Variants in CDK14 observed in about 807,000 individuals in gnomAD.
The protein encoded by CDK14 is cyclin dependent kinase 14.
CDK14 carries 34 observed loss-of-function variants against 60.7 expected under a neutral mutation model. That is an observed-to-expected ratio of 0.56 (90% CI 0.43 to 0.75). CDK14 has a LOEUF of 0.75. Ranked by LOEUF, CDK14 falls within the 30% of genes least tolerant of loss-of-function variation. The pLI, the probability that CDK14 is intolerant of heterozygous loss-of-function variation, is 0.00. For missense variants in CDK14, 482 were observed against 564.1 expected (o/e 0.85, Z 1.47); for synonymous variants, 197 against 203.7 (o/e 0.97, Z 0.28).
Position 90,953,693 on chromosome 7 carries a change from G to T in CDK14, c.827-2004G>T, listed in dbSNP as rs1794326697. On this transcript the variant is annotated intron_variant, in intron 8 of 14. Coordinates refer to ENST00000380050, the MANE Select transcript of CDK14 (RefSeq NM_001287135.2). ...TTCATTCTCTCATCCTTCTGGCTTAGCTTTCTGACAACAGGGCCTCAGGAA... is the reference window on the plus strand; with the variant it reads ...TTCATTCTCTCATCCTTCTGGCTTATCTTTCTGACAACAGGGCCTCAGGAA... 2.0e-5 allele frequency among the ~76,000 whole-genome samples: 3 copies of T among 152,068 alleles called. No homozygotes were observed. In the South Asian group the frequency reaches 6.2e-4, roughly 31 times the overall value.
At chr7:90,747,833 TA>T in intron 4 of CDK14, 58 bp downstream of exon 4, 1 of 692,692 alleles carries the variant, frequency 1.4e-6, no homozygotes, top group East Asian at 3.2e-5. Context: ...CTCTTATTAC[TA>T]AATAGCATTT....
intron 2 of CDK14, among the ~76,000 whole-genome samples, chr7:90,639,305 T>G (rs1175337619): frequency 6.6e-6 from 1 of 152,016 alleles, no homozygotes. Context: ...GATGGGTTTT[T>G]GGTGTGGATG....
rs1470097124 is a variant in CDK14, at chr7:90,596,772, C to G, written c.91+54C>G. On this transcript the variant is annotated intron_variant, in intron 1 of 14. Coordinates refer to ENST00000380050, the MANE Select transcript of CDK14 (RefSeq NM_001287135.2). Reference sequence around the variant, plus strand: ...CAGCGCCCGCTCCCCTCGGCCTGCGCCCCCGCCGCGTTCCTGGCACCAGCC... The same window carrying G: ...CAGCGCCCGCTCCCCTCGGCCTGCGGCCCCGCCGCGTTCCTGGCACCAGCC... The G allele has an allele frequency of 3.5e-6, 5 of 1,440,562 alleles. No homozygotes were observed. In the Admixed American group the frequency reaches 9.1e-5, roughly 26 times the overall value. The allele number at this position is 1,440,562 out of a possible 1,614,324, so 89.2% of individuals were successfully genotyped here.
intron 14 of CDK14, among the ~76,000 whole-genome samples, chr7:91,139,259 T>C (rs1800372542): frequency 6.6e-6 from 1 of 152,156 alleles, no homozygotes; most frequent in South Asian, 2.1e-4. Flanking sequence ...TCTAGTAGAC[T>C]GGAGAAAGTA....
rs935061313 is a variant in CDK14 at position 91,071,133 on chromosome 7, T to A, written c.1106-8299T>A. Among the ~76,000 whole-genome samples the A allele has an allele frequency of 5.9e-5, 9 of 152,150 alleles. No homozygotes were observed. In the East Asian group the frequency reaches 1.5e-3, roughly 26 times the overall value. On this transcript the variant is annotated intron_variant, in intron 11 of 14. Transcript: ENST00000380050. ...AAGAAGTAACAATTTGTTAAAAAAA[T>A]AATAATAAGTAGGAGAAAAATGAAG...
At chr7:91,175,809 C>T (rs1430719964) in intron 14 of CDK14, among the ~76,000 whole-genome samples, 5 of 145,762 alleles carry the variant, frequency 3.4e-5, no homozygotes, top group Admixed American at 3.4e-4. Flanking sequence ...ATTCATAAAG[C>T]AAGTCCTGAG....
At chr7:90,767,968 T>C in intron 4 of CDK14, among the ~76,000 whole-genome samples, 1 of 152,248 alleles carries the variant, frequency 6.6e-6, no homozygotes, top group East Asian at 1.9e-4. Context: ...ATCTTTGTTC[T>C]CATGTTTTTA....
chr7:90,621,613 TTTCCTTCCTTCCTTCCTTCC>T (rs3835010), intron 2 of CDK14, among the ~76,000 whole-genome samples: 164 of 128,344 alleles, frequency 1.3e-3, no homozygotes, highest in Middle Eastern at 3.9e-3. Context: ...TCAGACTTTT[TTTCCTTCCTTCCTTCCTTCC>T]TTCCTTCCTT....
chr7:90,876,328 G>A (rs887191342), intron 6 of CDK14, among the ~76,000 whole-genome samples: 14 of 152,266 alleles, frequency 9.2e-5, no homozygotes, highest in Middle Eastern at 6.8e-3. Flanking sequence ...GGATGGTGTC[G>A]CTGTCCCTAA....
intron 14 of CDK14, among the ~76,000 whole-genome samples, chr7:91,119,072 C>G (rs903142599): frequency 2.6e-5 from 4 of 151,940 alleles, no homozygotes; most frequent in Non-Finnish European, 5.9e-5. Flanking sequence ...TATACATATA[C>G]ATTCTTAATG....
chr7:90,664,977 T>G (rs1430649099), intron 2 of CDK14, among the ~76,000 whole-genome samples: 1 of 152,078 alleles, frequency 6.6e-6, no homozygotes, highest in Non-Finnish European at 1.5e-5. Context: ...TTTTTGCTAA[T>G]AGTATTTAAA....
intron 13 of CDK14, among the ~76,000 whole-genome samples, chr7:91,114,357 C>T (rs896029164): frequency 1.3e-5 from 2 of 152,150 alleles, no homozygotes; most frequent in African/African-American, 2.4e-5. Context: ...CATTATCACT[C>T]GGCAGCAGAC....
chr7:90,770,077 T>G (rs1349956481), intron 4 of CDK14, among the ~76,000 whole-genome samples: 1 of 152,252 alleles, frequency 6.6e-6, no homozygotes, highest in Non-Finnish European at 1.5e-5. Flanking sequence ...GGTTAAGACC[T>G]TGCCAGTTGG....
intron 4 of CDK14, among the ~76,000 whole-genome samples, chr7:90,779,937 A>G (rs1805237290): frequency 6.6e-6 from 1 of 152,210 alleles, no homozygotes; most frequent in South Asian, 2.1e-4. Flanking sequence ...CTTTTAGTCC[A>G]TGGGTTACCC....
chr7:90,762,385 A>C (rs984255656), intron 4 of CDK14, among the ~76,000 whole-genome samples: 3 of 152,048 alleles, frequency 2.0e-5, no homozygotes, highest in African/African-American at 7.2e-5. Context: ...GTAGGTGTGA[A>C]TTTTTGCTCT....
chr7:91,114,026 A>G (rs1799543005), intron 13 of CDK14, among the ~76,000 whole-genome samples: 1 of 152,238 alleles, frequency 6.6e-6, no homozygotes, highest in Non-Finnish European at 1.5e-5. Context: ...TAAATTAAAA[A>G]TTAAATCCCT....
At chr7:90,684,233 T>C (rs539739285) in intron 2 of CDK14, among the ~76,000 whole-genome samples, 22 of 152,320 alleles carry the variant, frequency 1.4e-4, no homozygotes, top group African/African-American at 4.3e-4. Context: ...TGACCAAGAA[T>C]GTTCTCCAAT....
chr7:90,755,450 T>C (rs1804016516), intron 4 of CDK14, among the ~76,000 whole-genome samples: 1 of 152,070 alleles, frequency 6.6e-6, no homozygotes, highest in Admixed American at 6.6e-5. Context: ...CAATAGACAC[T>C]GGAGACTGCT....
At chr7:90,772,026 C>T (rs1481164362) in intron 4 of CDK14, among the ~76,000 whole-genome samples, 2 of 152,158 alleles carry the variant, frequency 1.3e-5, no homozygotes, top group Non-Finnish European at 2.9e-5. Flanking sequence ...AACAGATGGA[C>T]TTTTGGGATA....
Sources: allele counts gnomAD v4.1 joint callset (sites outside exome capture counted in the v4.1 genomes callset), GRCh38; gene constraint gnomAD v4.1.1; transcripts MANE v1.5; gene names NCBI Gene and HGNC (gene_info 2026-07-23, HGNC 2026-07-21).